The following LARGE1 variants were observed in gnomAD, a reference collection of about 807,000 sequenced individuals.
The protein encoded by LARGE1 is xylosyl- and glucuronyltransferase LARGE1.
A neutral mutation model predicts 87.6 loss-of-function variants in LARGE1; 43 were observed. The ratio of observed to expected loss-of-function variants is 0.49; its 90% CI spans 0.38 to 0.63. LARGE1 has a LOEUF of 0.63. Among genes scored for constraint, LARGE1 ranks in the 30% least tolerant of loss-of-function variants. The probability of loss-of-function intolerance (pLI) is 0.00; values close to 1 mark genes in which losing one functional copy is unlikely to be tolerated. For synonymous variants in LARGE1, 434 were observed against 394.6 expected (o/e 1.10, Z -1.18); for missense variants, 802 against 1,000.2 (o/e 0.80, Z 2.67).
the LARGE1 span, among the ~76,000 whole-genome samples, chr22:33,125,058 G>T: frequency 3.3e-5 from 5 of 152,182 alleles, no homozygotes; most frequent in East Asian, 3.9e-4. Context: ...TAGAAAATGG[G>T]TGATAACTCT....
chr22:33,507,867 G>A (rs948914088), intron 6 of LARGE1, among the ~76,000 whole-genome samples: 4 of 152,180 alleles, frequency 2.6e-5, no homozygotes, highest in African/African-American at 9.7e-5. Context: ...TAGGGGGACT[G>A]TTGAGGATTC....
At chr22:33,644,527 C>A (rs1022115216) in intron 3 of LARGE1, among the ~76,000 whole-genome samples, 5 of 152,190 alleles carry the variant, frequency 3.3e-5, no homozygotes, top group African/African-American at 1.2e-4. Flanking sequence ...TCTCTCATCA[C>A]TCCTATTTAA....
intron 6 of LARGE1, among the ~76,000 whole-genome samples, chr22:33,526,905 G>T (rs1351761976): frequency 1.3e-5 from 2 of 152,202 alleles, no homozygotes; most frequent in Non-Finnish European, 2.9e-5. Flanking sequence ...GTTGACTACA[G>T]CATTTCTCAA....
At chr22:33,759,441 T>A (rs1240802776) in intron 2 of LARGE1, among the ~76,000 whole-genome samples, 1 of 152,180 alleles carries the variant, frequency 6.6e-6, no homozygotes, top group Non-Finnish European at 1.5e-5. Context: ...CATGGGCAGA[T>A]CACTGAAGCT....
intron 4 of LARGE1, among the ~76,000 whole-genome samples, chr22:33,610,380 A>G (rs1457385615): frequency 6.6e-6 from 1 of 152,214 alleles, no homozygotes; most frequent in African/African-American, 2.4e-5. Context: ...TGGGAACTTG[A>G]TTAAAGGTCA....
intron 7 of LARGE1, among the ~76,000 whole-genome samples, chr22:33,423,298 T>C (rs1409074396): frequency 2.0e-5 from 3 of 152,146 alleles, no homozygotes; most frequent in Non-Finnish European, 4.4e-5. Context: ...CCATTACACG[T>C]TGAAGTAAAT....
chr22:33,102,006 G>C, the LARGE1 span, among the ~76,000 whole-genome samples: 1 of 152,002 alleles, frequency 6.6e-6, no homozygotes, highest in African/African-American at 2.4e-5. Context: ...TACCTGAAAT[G>C]AAATCTGTGA....
At chr22:33,839,601 A>G (rs2063212601) in intron 1 of LARGE1, among the ~76,000 whole-genome samples, 1 of 152,242 alleles carries the variant, frequency 6.6e-6, no homozygotes, top group Non-Finnish European at 1.5e-5. Flanking sequence ...ATTCTACCGC[A>G]GCCTGTATAG....
the LARGE1 span, among the ~76,000 whole-genome samples, chr22:33,154,037 T>C: frequency 6.6e-6 from 1 of 152,188 alleles, no homozygotes; most frequent in Non-Finnish European, 1.5e-5. Context: ...TATTCCTCTA[T>C]TGGTTGCTAC....
intron 1 of LARGE1, among the ~76,000 whole-genome samples, chr22:33,799,189 C>T (rs926567314): frequency 2.0e-5 from 3 of 152,000 alleles, no homozygotes; most frequent in African/African-American, 7.3e-5. Context: ...GGTGGAGTAT[C>T]ACGCCAAAGA....
chr22:33,080,210 G>C, the LARGE1 span, among the ~76,000 whole-genome samples: 1 of 152,210 alleles, frequency 6.6e-6, no homozygotes, highest in Admixed American at 6.5e-5. Flanking sequence ...TGTCTACTAT[G>C]TGCCAGATGT....
chr22:33,343,690 T>C (rs898482178), intron 9 of LARGE1, among the ~76,000 whole-genome samples: 6 of 152,120 alleles, frequency 3.9e-5, no homozygotes, highest in Non-Finnish European at 8.8e-5. Context: ...CAACCTGGTA[T>C]GGTGATTTCT....
chr22:33,073,365 A>G, the LARGE1 span, among the ~76,000 whole-genome samples: 1 of 152,210 alleles, frequency 6.6e-6, no homozygotes, highest in Admixed American at 6.5e-5. Context: ...TGAACCCTGG[A>G]CCAGCCTCTG....
intron 2 of LARGE1, among the ~76,000 whole-genome samples, chr22:33,744,529 C>T (rs780427142): frequency 7.9e-5 from 12 of 152,226 alleles, no homozygotes; most frequent in African/African-American, 1.9e-4. Flanking sequence ...TAAATGACAA[C>T]GTGCTTTCCC....
chr22:33,648,730 C>A (rs1205677988), intron 3 of LARGE1, among the ~76,000 whole-genome samples: 1 of 152,198 alleles, frequency 6.6e-6, no homozygotes, highest in Admixed American at 6.5e-5. Flanking sequence ...GGCACTGGGC[C>A]TGGCATACAG....
Position 33,891,944 on chromosome 22 carries a change from C to A in LARGE1, c.-83+28051G>T, listed in dbSNP as rs116306847. 5.7e-3 allele frequency among the ~76,000 whole-genome samples: 872 copies of A among 152,268 alleles called. 6 individuals carry two copies. Among genetic ancestry groups the A allele is most frequent in the African/African-American group, 0.02 (810 of 41,536 alleles). On this transcript the variant is annotated intron_variant, in intron 1 of 14. Coordinates refer to ENST00000397394, the MANE Select transcript of LARGE1 (RefSeq NM_133642.5). ...CCTAGTCTAATAGTTCTTCTATTCT[C>A]GACTTTGACAACATCACCTAAAAAT...
chr22:33,398,488 C>G (rs974766581), intron 7 of LARGE1, among the ~76,000 whole-genome samples: 1 of 152,106 alleles, frequency 6.6e-6, no homozygotes. Context: ...ACTCACTTGC[C>G]GAACTAGAGT....
intron 2 of LARGE1, among the ~76,000 whole-genome samples, chr22:33,659,893 C>T (rs900905587): frequency 3.3e-5 from 5 of 152,016 alleles, no homozygotes; most frequent in African/African-American, 7.2e-5. Context: ...TTTCCAAGAA[C>T]GTTAGCTTAA....
chr22:33,665,886 C>A (rs1379438734), intron 2 of LARGE1, among the ~76,000 whole-genome samples: 3 of 88,836 alleles, frequency 3.4e-5, no homozygotes, highest in African/African-American at 1.4e-4. Context: ...AGCAAGACCC[C>A]GTCTCAAGAA....
Sources: gnomAD v4.1 joint callset for allele counts (sites outside exome capture counted in the v4.1 genomes callset) on GRCh38, gnomAD v4.1.1 for gene constraint, MANE v1.5 for transcripts, NCBI Gene and HGNC (gene_info 2026-07-23, HGNC 2026-07-21) for gene names.